The following MAGI2 variants were observed in gnomAD, a reference collection of about 807,000 sequenced individuals.
The protein encoded by MAGI2 is membrane-associated guanylate kinase, WW and PDZ domain-containing protein 2.
Under a neutral mutation model 133.3 loss-of-function variants are expected in MAGI2, and 35 were observed. That is an observed-to-expected ratio of 0.26 (90% confidence interval 0.20 to 0.35). MAGI2 has a LOEUF of 0.35. MAGI2 is among the 10% of genes least tolerant of loss of function. The probability of loss-of-function intolerance (pLI) is 1.00; values close to 1 mark genes in which losing one functional copy is unlikely to be tolerated. For missense variants in MAGI2, 1,636 were observed against 1,863.4 expected (o/e 0.88, Z 2.25); for synonymous variants, 729 against 710.6 (o/e 1.03, Z -0.41).
chr7:78,232,087 C>A (rs35317306), intron 10 of MAGI2, among the ~76,000 whole-genome samples: 46,903 of 151,756 alleles, frequency 0.31, 8,506 homozygotes, highest in Non-Finnish European at 0.4. Flanking sequence ...AAAAGCAAGG[C>A]ATCCACATAT....
intron 21 of MAGI2, among the ~76,000 whole-genome samples, chr7:78,042,064 A>G (rs757863): frequency 0.42 from 64,029 of 152,060 alleles, 13,730 homozygotes; most frequent in Middle Eastern, 0.47. Context: ...GAGAGCATCC[A>G]TGAGTACAGG....
At chr7:79,087,764 A>T (rs1464169830) in intron 1 of MAGI2, among the ~76,000 whole-genome samples, 1 of 152,044 alleles carries the variant, frequency 6.6e-6, no homozygotes, top group Non-Finnish European at 1.5e-5. Context: ...TCCTTTCCCC[A>T]TTGCTTGTTT....
chr7:78,831,178 T>C (rs1485291392), intron 2 of MAGI2, among the ~76,000 whole-genome samples: 3 of 152,272 alleles, frequency 2.0e-5, no homozygotes, highest in South Asian at 4.1e-4. Context: ...ACACCATAGT[T>C]TCATTAGTAG....
chr7:78,050,829 A>G (rs1451772701), intron 21 of MAGI2, among the ~76,000 whole-genome samples: 1 of 152,188 alleles, frequency 6.6e-6, no homozygotes, highest in Non-Finnish European at 1.5e-5. Flanking sequence ...TTGCAGGCAA[A>G]GGCATTCTTA....
intron 2 of MAGI2, among the ~76,000 whole-genome samples, chr7:78,888,963 A>G (rs569473377): frequency 0.01 from 1,544 of 152,314 alleles, 24 homozygotes; most frequent in African/African-American, 0.035. Flanking sequence ...CCCATGACAA[A>G]GAAGTTAAAA....
chr7:78,311,911 C>A (rs1460244785), intron 9 of MAGI2, among the ~76,000 whole-genome samples: 2 of 151,974 alleles, frequency 1.3e-5, no homozygotes, highest in East Asian at 1.9e-4. Flanking sequence ...GCTGGGATTA[C>A]AGGTGCGCGC....
At chr7:78,880,801 C>A (rs1795783907) in intron 2 of MAGI2, among the ~76,000 whole-genome samples, 1 of 152,136 alleles carries the variant, frequency 6.6e-6, no homozygotes, top group African/African-American at 2.4e-5. Context: ...AAAATTAAGA[C>A]CCATTTTCCT....
At chr7:78,311,863 C>T (rs983094939) in intron 9 of MAGI2, among the ~76,000 whole-genome samples, 2 of 151,896 alleles carry the variant, frequency 1.3e-5, no homozygotes, top group Non-Finnish European at 2.9e-5. Context: ...CTCTGCCTCC[C>T]GGATTGAAGT....
intron 3 of MAGI2, among the ~76,000 whole-genome samples, chr7:78,529,715 C>T (rs539461166): frequency 8.9e-4 from 76 of 85,370 alleles, no homozygotes; most frequent in Non-Finnish European, 1.4e-3. Context: ...CATGGTCTCA[C>T]TGTGTTGGCC....
chr7:78,107,625 T>C (rs1364404595), intron 20 of MAGI2, among the ~76,000 whole-genome samples: 1 of 152,016 alleles, frequency 6.6e-6, no homozygotes, highest in Non-Finnish European at 1.5e-5. Context: ...GATTACTTTC[T>C]TGGTTTCTTT....
intron 1 of MAGI2, among the ~76,000 whole-genome samples, chr7:79,097,130 T>G (rs2129542930): frequency 6.6e-6 from 1 of 152,344 alleles, no homozygotes; most frequent in Admixed American, 6.5e-5. Flanking sequence ...ATATGCCAGT[T>G]ACTGTTTTCT....
intron 1 of MAGI2, among the ~76,000 whole-genome samples, chr7:79,371,999 T>A (rs1396846745): frequency 6.6e-6 from 1 of 152,196 alleles, no homozygotes; most frequent in Non-Finnish European, 1.5e-5. Flanking sequence ...TATTACTTAA[T>A]ATCCCATTAC....
At position 78,797,599 on chromosome 7, in the gene MAGI2, C is replaced by T. The variant is rs545774184; in HGVS notation, c.419-170360G>A. Among the ~76,000 whole-genome samples the T allele has an allele frequency of 3.9e-5, 6 of 152,230 alleles. No homozygotes were observed. In the East Asian group the frequency reaches 9.7e-4, roughly 25 times the overall value. On this transcript the variant is annotated intron_variant, in intron 2 of 21. Transcript: ENST00000354212. ...TTTTCATAATAGAAATAGAAAACTT[C>T]AGATATGTTAATCACATACAAATGT... is the stretch of plus-strand genomic sequence containing the variant.
In MAGI2 at chr7:78,019,497, C is replaced by A; in HGVS notation, c.4186G>T (p.Gly1396Cys). The A allele has an allele frequency of 1.0e-6, 1 of 980,186 alleles. No individual in the cohort carries two copies. The highest frequency in any genetic ancestry group is 4.6e-5 in the South Asian group (1 of 21,884). The allele number at this position is 980,186 out of a possible 1,614,324, so 60.7% of individuals were successfully genotyped here. Reference protein sequence around the residue: ...APAFAGPGGGGSGALEAEGRA... With the variant: ...APAFAGPGGGCSGALEAEGRA... The stretch of plus-strand genomic sequence containing the variant: ...CCCTCGGCCTCCAGCGCGCCGCTGC[C>A]GCCGCCGCCCGGGCCGGCAAACGCC... Residue 1396 changes from glycine (G) to cysteine (C), a missense_variant, in exon 22 of 22, where the codon GGC (glycine) becomes TGC (cysteine). By Grantham distance (159) the Gly-to-Cys change is radical. Transcript: ENST00000354212.
intron 21 of MAGI2, among the ~76,000 whole-genome samples, chr7:78,049,832 G>A (rs545230000): frequency 7.2e-5 from 11 of 152,130 alleles, no homozygotes; most frequent in Non-Finnish European, 1.3e-4. Context: ...ATGTTGCAAC[G>A]TTTTCTTATT....
At chr7:78,221,270 C>A (rs1048840141) in intron 10 of MAGI2, among the ~76,000 whole-genome samples, 2 of 152,152 alleles carry the variant, frequency 1.3e-5, no homozygotes, top group African/African-American at 4.8e-5. Flanking sequence ...GACTGCTCCC[C>A]ACATGGCAGA....
chr7:78,566,686 C>T (rs1800979794), intron 3 of MAGI2, among the ~76,000 whole-genome samples: 1 of 152,238 alleles, frequency 6.6e-6, no homozygotes, highest in Non-Finnish European at 1.5e-5. Context: ...CTTTCATTGT[C>T]CTAACACTTT....
intron 6 of MAGI2, among the ~76,000 whole-genome samples, chr7:78,419,271 G>C (rs1024038470): frequency 6.6e-6 from 1 of 152,044 alleles, no homozygotes; most frequent in African/African-American, 2.4e-5. Flanking sequence ...GAGGAACCTT[G>C]GACAAATACT....
intron 2 of MAGI2, among the ~76,000 whole-genome samples, chr7:78,874,027 A>G (rs1327612630): frequency 6.6e-6 from 1 of 152,226 alleles, no homozygotes; most frequent in African/African-American, 2.4e-5. Flanking sequence ...GTTGATAAAA[A>G]CTACAAAGAA....
Sources: gnomAD v4.1 joint callset for allele counts (sites outside exome capture counted in the v4.1 genomes callset) on GRCh38, gnomAD v4.1.1 for gene constraint, MANE v1.5 for transcripts, NCBI Gene and HGNC (gene_info 2026-07-23, HGNC 2026-07-21) for gene names.